GCC2: variants seen among roughly 807,000 people sequenced by gnomAD.
The protein encoded by GCC2 is GRIP and coiled-coil domain-containing protein 2.
A neutral mutation model predicts 210.6 loss-of-function variants in GCC2; 120 were observed. The observed-to-expected ratio is 0.57, with a 90% CI of 0.49 to 0.66. The LOEUF (loss-of-function observed/expected upper bound fraction) is 0.66. Among genes scored for constraint, GCC2 ranks in the 30% least tolerant of loss-of-function variants. The pLI is 0.00. For synonymous variants in GCC2, 703 were observed against 652.7 expected, an observed-to-expected ratio of 1.08 and a Z score of -1.17; for missense variants, 1,868 against 1,871.9, an observed-to-expected ratio of 1.00 and a Z score of 0.04.
At chr2:108,497,676 T>G (rs1682712023) in intron 21 of GCC2, among the ~76,000 whole-genome samples, 1 of 152,130 alleles carries the variant, frequency 6.6e-6, no homozygotes. Flanking sequence ...TTTTTCCTGT[T>G]TAAAGTAGAC....
intron 19 of GCC2, chr2:108,494,386 AAC>A (rs1682542696): frequency 6.6e-6 from 1 of 152,242 alleles, no homozygotes; most frequent in South Asian, 2.1e-4. Flanking sequence ...AAAAAAAAAA[AAC>A]ACTATACAGT....
At chr2:108,478,230 C>G (rs1256202618) in intron 9 of GCC2, among the ~76,000 whole-genome samples, 1 of 100,776 alleles carries the variant, frequency 9.9e-6, no homozygotes, top group African/African-American at 4.6e-5. Context: ...TATAAACATA[C>G]TAATTCTTTG....
chr2:108,501,552 C>A lies in GCC2; in HGVS notation c.4984+1798C>A, dbSNP rs538529565. Among the ~76,000 whole-genome samples the A allele has an allele frequency of 5.2e-3, 791 of 152,016 alleles. 6 individuals are homozygous for A. The highest frequency in any genetic ancestry group is 0.021 in the Middle Eastern group (6 of 292). On this transcript the variant is annotated intron_variant, in intron 22 of 22. Transcript: ENST00000309863. ...AGAATGTCCAGACATCTTACTTTTG[C>A]CTGATTGACCTTATCTAGTTGGTGT...
At chr2:108,450,599 T>C (rs1226820177) in intron 2 of GCC2, among the ~76,000 whole-genome samples, 2 of 152,212 alleles carry the variant, frequency 1.3e-5, no homozygotes, top group African/African-American at 4.8e-5. Context: ...TTAAAAAATG[T>C]GGCCGGGCGC....
At chr2:108,499,329 G>A (rs1316052673) in intron 21 of GCC2, among the ~76,000 whole-genome samples, 2 of 151,730 alleles carry the variant, frequency 1.3e-5, no homozygotes, top group Admixed American at 6.6e-5. Context: ...TCTCATAGTT[G>A]GAGTTCCGGT....
chr2:108,507,540 T>TG lies in GCC2; in HGVS notation c.4985-20_4985-19insG, dbSNP rs761559026. The TG allele has an allele frequency of 7.0e-5, 106 of 1,520,722 alleles. No individual in the cohort carries two copies. Among genetic ancestry groups the TG allele is most frequent in the South Asian group, 2.5e-4 (21 of 83,124 alleles). The allele number at this position is 1,520,722 out of a possible 1,614,324, so 94.2% of individuals were successfully genotyped here. A position where few individuals can be genotyped will look rare whatever the true frequency, so the allele number is the denominator to read the frequency against. On this transcript the variant is annotated intron_variant, in intron 22 of 22. Transcript: ENST00000309863. ...TTTTTTCTTTTATTTTTCTTTTTTTTTTTGTTTTACTTTCCAAAGGTGAGG... is the reference window on the plus strand; with the variant it reads ...TTTTTTCTTTTATTTTTCTTTTTTTTGTTTGTTTTACTTTCCAAAGGTGAGG...
Position 108,475,806 on chromosome 2 carries a change from T to G in GCC2, c.3016T>G (p.Ser1006Ala). Residue 1006 changes from serine (S) to alanine (A), a missense_variant, in exon 9 of 23, where the codon TCT (serine) becomes GCT (alanine). Ser to Ala is a moderately conservative substitution (Grantham distance 99, BLOSUM62 1). This residue lies in a region of GCC2 where 1,847 missense variants were observed against 1,765.2 expected (regional missense o/e 1.05). Transcript: ENST00000309863. ...ESLRSEKDQL[S>A]ASMRDLIQGA... ...TCTTCGATCAGAAAAGGACCAGTTA[T>G]CTGCTTCCATGAGAGATCTCATTCA... 1 of 1,604,906 alleles carries G rather than the reference T, an allele frequency of 6.2e-7. No individual in the cohort carries two copies. The highest frequency in any genetic ancestry group is 1.1e-5 in the South Asian group (1 of 89,356).
At chr2:108,449,489 C>T (rs1679785227) in intron 1 of GCC2, 144 bp from the exon 2 acceptor site, 1 of 1,174,328 alleles carries the variant, frequency 8.5e-7, no homozygotes, top group East Asian at 2.5e-5. Flanking sequence ...ACAGCGACCG[C>T]CTCCGTCCGC....
intron 9 of GCC2, among the ~76,000 whole-genome samples, chr2:108,479,600 C>T (rs1174494782): frequency 6.6e-6 from 1 of 152,058 alleles, no homozygotes. Flanking sequence ...GAGGTTGCGC[C>T]ACTGCACTCC....
chr2:108,468,998 G>A lies in GCC2; in HGVS notation c.235G>A (p.Asp79Asn). ...DIIKALTERL[D>N]ALLLEKAETE... ...AAAATAGGCATTAACTGAACGTCTG[G>A]ATGCTCTTCTTCTGGAAAAAGCAGA... is the stretch of plus-strand genomic sequence containing the variant. The change falls in exon 5 of 23, where the codon GAT (aspartate) becomes AAT (asparagine). Residue 79 changes from aspartate (D) to asparagine (N), a missense_variant. This residue lies in a region of GCC2 where 1,847 missense variants were observed against 1,765.2 expected (regional missense o/e 1.05). Transcript: ENST00000309863. 1.2e-6 allele frequency: 2 copies of A among 1,611,268 alleles called. No homozygotes were observed. The highest frequency in any genetic ancestry group is 1.7e-6 in the Non-Finnish European group (2 of 1,177,668).
intron 21 of GCC2, among the ~76,000 whole-genome samples, chr2:108,499,214 C>G (rs560814506): frequency 5.7e-4 from 87 of 152,110 alleles, no homozygotes; most frequent in African/African-American, 1.9e-3. Flanking sequence ...TACTTCACCC[C>G]TCTTCCTTCC....
chr2:108,451,253 T>C lies in GCC2; in HGVS notation c.148+141T>C, dbSNP rs141219849. ...CACCTTAGTGTAGTAGAATCTGTTA[T>C]TTAACATTCTAAAAATTTACCTCTG... On this transcript the variant is annotated intron_variant, in intron 3 of 22. Coordinates refer to ENST00000309863, the MANE Select transcript of GCC2 (RefSeq NM_181453.4). 425 of 524,314 alleles carry C rather than the reference T, an allele frequency of 8.1e-4. 3 individuals carry two copies. The highest frequency in any genetic ancestry group is 7.5e-3 in the African/African-American group (380 of 50,912). 32.5% of individuals were successfully genotyped at this position (524,314 alleles called of 1,614,324 possible).
intron 21 of GCC2, among the ~76,000 whole-genome samples, chr2:108,498,670 A>G (rs1217639246): frequency 1.3e-5 from 2 of 152,192 alleles, no homozygotes; most frequent in Admixed American, 6.5e-5. Flanking sequence ...TTCCTCAAAG[A>G]CTTGAACATC....
At position 108,449,625 on chromosome 2, in the gene GCC2, T is replaced by C; in HGVS notation, c.7-8T>C. 6.2e-7 allele frequency: 1 copy of C among 1,613,314 alleles called. No homozygotes were observed. The highest frequency in any genetic ancestry group is 8.5e-7 in the Non-Finnish European group (1 of 1,179,300). On this transcript the variant is annotated splice_region_variant and splice_polypyrimidine_tract_variant and intron_variant, in intron 1 of 22. Transcript: ENST00000309863. The stretch of plus-strand genomic sequence containing the variant: ...CTTCTGACACCTGGGTTTGATTTTG[T>C]TTTGCAGGATCTTGTTCAAGATGGG...
In GCC2 at chr2:108,470,890, C is replaced by G; in HGVS notation, c.1561C>G (p.Gln521Glu). 6.2e-7 allele frequency: 1 copy of G among 1,613,564 alleles called. No homozygotes were observed. The highest frequency in any genetic ancestry group is 8.5e-7 in the Non-Finnish European group (1 of 1,179,742). Reference sequence around the variant, plus strand: ...AGCATCTGATGTTCATGAACTGCAGCAGAAGCTCAGAACTGCTTTTACTGA... The same window carrying G: ...AGCATCTGATGTTCATGAACTGCAGGAGAAGCTCAGAACTGCTTTTACTGA... ...QQASDVHELQQKLRTAFTEKD... is the reference protein window; with the variant it reads ...QQASDVHELQEKLRTAFTEKD... The change falls in exon 6 of 23, where the codon CAG becomes GAG. Residue 521 changes from glutamine to glutamate, a missense_variant. Gln to Glu is a conservative substitution (Grantham distance 29, BLOSUM62 2). Coordinates refer to ENST00000309863, the MANE Select transcript of GCC2 (RefSeq NM_181453.4).
intron 5 of GCC2, 60 bp from the exon 6 acceptor site, chr2:108,469,591 A>G (rs963398140): frequency 8.3e-7 from 1 of 1,206,950 alleles, no homozygotes; most frequent in Admixed American, 2.5e-5. Context: ...ATTTTTCCTA[A>G]GGTCAGAGGC....
intron 9 of GCC2, among the ~76,000 whole-genome samples, chr2:108,478,078 T>C (rs1681636878): frequency 6.6e-6 from 1 of 152,166 alleles, no homozygotes; most frequent in African/African-American, 2.4e-5. Context: ...TTGATATGCC[T>C]GGTCTACCTC....
chr2:108,458,382 T>TC (rs1209381183), intron 4 of GCC2, among the ~76,000 whole-genome samples: 1 of 148,588 alleles, frequency 6.7e-6, no homozygotes, highest in East Asian at 1.9e-4. Flanking sequence ...TTCTTTTTTT[T>TC]TTTTTTTTTT....
intron 7 of GCC2, 148 bp downstream of exon 7, chr2:108,473,047 T>G: frequency 1.9e-6 from 1 of 515,478 alleles, no homozygotes; most frequent in Non-Finnish European, 3.4e-6. Flanking sequence ...TTCTTGCCCC[T>G]CTAACACCTG....
Sources: allele counts gnomAD v4.1 joint callset (sites outside exome capture counted in the v4.1 genomes callset), GRCh38; gene constraint gnomAD v4.1.1; regional missense constraint gnomAD v4.1.1; transcripts MANE v1.5; gene names NCBI Gene and HGNC (gene_info 2026-07-23, HGNC 2026-07-21).